FIG4: variants seen among roughly 807,000 people sequenced by gnomAD.
FIG4 encodes the protein FIG4 phosphoinositide 5-phosphatase, also known as polyphosphoinositide phosphatase.
In FIG4, 112 loss-of-function variants were observed where a neutral mutation model predicts 118.6. The observed-to-expected ratio is 0.94, with a 90% CI of 0.81 to 1.11. FIG4 has a LOEUF of 1.11. Among genes scored for constraint, FIG4 ranks in the 50% least tolerant of loss-of-function variants. FIG4 has a pLI of 0.00. For synonymous variants in FIG4, 369 were observed against 381.2 expected (o/e 0.97, Z 0.37); for missense variants, 969 against 1,111.7 (o/e 0.87, Z 1.83).
intron 10 of FIG4, among the ~76,000 whole-genome samples, chr6:109,760,020 G>T (rs951528739): frequency 6.6e-6 from 1 of 152,188 alleles, no homozygotes; most frequent in Non-Finnish European, 1.5e-5. Context: ...GTACCAGGAA[G>T]AAACCTGATC....
At chr6:109,777,294 C>A (rs1043132652) in intron 16 of FIG4, among the ~76,000 whole-genome samples, 4 of 152,158 alleles carry the variant, frequency 2.6e-5, no homozygotes, top group African/African-American at 9.7e-5. Flanking sequence ...GGGTATCCAT[C>A]CTCTGATGCA....
chr6:109,761,692 T>G (rs2128391363), intron 11 of FIG4, among the ~76,000 whole-genome samples: 1 of 152,246 alleles, frequency 6.6e-6, no homozygotes, highest in East Asian at 1.9e-4. Flanking sequence ...CAGCTGCCAT[T>G]CATATTATTT....
At chr6:109,783,151 G>A (rs79373938) in intron 16 of FIG4, among the ~76,000 whole-genome samples, 1,948 of 152,302 alleles carry the variant, frequency 0.013, 52 homozygotes, top group African/African-American at 0.045. Flanking sequence ...AGTATGAATA[G>A]CTAATGGATG....
intron 13 of FIG4, 123 bp from the exon 14 acceptor site, chr6:109,764,890 A>G (rs1394577344): frequency 1.5e-6 from 1 of 684,622 alleles, no homozygotes; most frequent in Admixed American, 2.4e-5. Context: ...ACCTGCCCAC[A>G]GACTTTTTTT....
Position 109,775,833 on chromosome 6 carries a change from G to A in FIG4, c.1751-1089G>A, listed in dbSNP as rs780500711. Among the ~76,000 whole-genome samples, 14 of 152,108 alleles carry A rather than the reference G, an allele frequency of 9.2e-5. 1 individual carries two copies. The highest frequency in any genetic ancestry group is 8.3e-4 in the South Asian group (4 of 4,832). ...ATACATGTTTGATGTACCGTATTTC[G>A]TATTTCATTCATTTAGTTTTGCTGT... On this transcript the variant is annotated intron_variant, in intron 15 of 22. Transcript: ENST00000230124.
chr6:109,716,181 CCCTT>C (rs1775424923), intron 2 of FIG4, among the ~76,000 whole-genome samples: 1 of 152,094 alleles, frequency 6.6e-6, no homozygotes, highest in Non-Finnish European at 1.5e-5. Flanking sequence ...ACCTGTAGAT[CCCTT>C]AAATCTCTGC....
chr6:109,714,410 T>TCCAA (rs1425001995), intron 1 of FIG4, among the ~76,000 whole-genome samples: 11 of 152,202 alleles, frequency 7.2e-5, no homozygotes, highest in Non-Finnish European at 2.9e-5. Flanking sequence ...CTGTTCCGCC[T>TCCAA]GGCTGCCTCT....
intron 4 of FIG4, 106 bp from the exon 5 acceptor site, chr6:109,732,531 T>C (rs1776033779): frequency 1.4e-6 from 1 of 704,356 alleles, no homozygotes; most frequent in Non-Finnish European, 2.5e-6. Context: ...ATTCCTCAGC[T>C]TTAATGAGCA....
chr6:109,723,187 T>C (rs1282534933), intron 3 of FIG4, among the ~76,000 whole-genome samples: 1 of 152,230 alleles, frequency 6.6e-6, no homozygotes, highest in Non-Finnish European at 1.5e-5. Context: ...GTTATGGTTG[T>C]TTTCCTAGGA....
chr6:109,780,257 G>A (rs942628574), intron 16 of FIG4, among the ~76,000 whole-genome samples: 1 of 152,172 alleles, frequency 6.6e-6, no homozygotes, highest in African/African-American at 2.4e-5. Context: ...TGTCACCTAG[G>A]CTGGAGTGCA....
intron 22 of FIG4, among the ~76,000 whole-genome samples, chr6:109,812,292 T>G (rs931903190): frequency 3.9e-5 from 6 of 152,106 alleles, no homozygotes; most frequent in Non-Finnish European, 1.5e-5. Context: ...TGGACTAATA[T>G]GCAAGCTGAA....
chr6:109,798,581 A>G (rs1244208448), intron 22 of FIG4, among the ~76,000 whole-genome samples: 1 of 152,170 alleles, frequency 6.6e-6, no homozygotes, highest in Non-Finnish European at 1.5e-5. Flanking sequence ...AAAGTCAAGG[A>G]TAAGTTAAGG....
intron 1 of FIG4, among the ~76,000 whole-genome samples, chr6:109,697,841 G>A (rs2128377654): frequency 6.6e-6 from 1 of 151,766 alleles, no homozygotes; most frequent in East Asian, 1.9e-4. Context: ...GAAAAAACTA[G>A]TTGACTGAAT....
At chr6:109,721,163 A>C (rs1250853873) in intron 3 of FIG4, among the ~76,000 whole-genome samples, 2 of 152,180 alleles carry the variant, frequency 1.3e-5, no homozygotes, top group Admixed American at 1.3e-4. Context: ...CTATTGTTTA[A>C]AACAATACCC....
chr6:109,803,702 TTGG>T (rs1292218308), intron 22 of FIG4, among the ~76,000 whole-genome samples: 1 of 152,126 alleles, frequency 6.6e-6, no homozygotes, highest in East Asian at 1.9e-4. Flanking sequence ...ATGTGCCATG[TTGG>T]TGTGCTGCAC....
chr6:109,727,890 A>G (rs145147785), intron 4 of FIG4, among the ~76,000 whole-genome samples: 2 of 152,356 alleles, frequency 1.3e-5, no homozygotes, highest in Non-Finnish European at 2.9e-5. Flanking sequence ...TGTAAAAGTC[A>G]TCAAAGACAA....
At chr6:109,747,766 A>G (rs1776549016) in intron 10 of FIG4, among the ~76,000 whole-genome samples, 1 of 152,184 alleles carries the variant, frequency 6.6e-6, no homozygotes, top group Non-Finnish European at 1.5e-5. Context: ...AAATGATGAA[A>G]TCTGAAGCAT....
intron 3 of FIG4, among the ~76,000 whole-genome samples, chr6:109,717,223 T>C (rs931980870): frequency 3.3e-5 from 5 of 152,132 alleles, no homozygotes; most frequent in African/African-American, 1.2e-4. Flanking sequence ...TCCATAGATA[T>C]GATGATTCTG....
intron 20 of FIG4, 94 bp downstream of exon 20, chr6:109,791,665 A>G: frequency 2.9e-6 from 3 of 1,038,616 alleles, no homozygotes; most frequent in Non-Finnish European, 2.9e-6. Flanking sequence ...GAGCAAGAAA[A>G]TGTCACATTA....
Sources: allele counts gnomAD v4.1 joint callset (sites outside exome capture counted in the v4.1 genomes callset), GRCh38; gene constraint gnomAD v4.1.1; transcripts MANE v1.5; gene names NCBI Gene and HGNC (gene_info 2026-07-23, HGNC 2026-07-21).